Variants in SLIT3 observed in about 807,000 individuals in gnomAD.
SLIT3 encodes slit homolog 3 protein.
In SLIT3, 68 loss-of-function variants were observed where a neutral mutation model predicts 184.0. The observed-to-expected ratio is 0.37, with a 90% confidence interval of 0.30 to 0.45. The LOEUF is 0.45. SLIT3 is among the 20% of genes least tolerant of loss of function. The pLI is 1.00. For synonymous variants in SLIT3, 831 were observed against 828.6 expected, an observed-to-expected ratio of 1.00 and a Z score of -0.05; for missense variants, 1,707 against 2,026.0, an observed-to-expected ratio of 0.84 and a Z score of 3.02.
chr5:169,279,771 G>A (rs914922514), intron 1 of SLIT3, among the ~76,000 whole-genome samples: 1 of 152,166 alleles, frequency 6.6e-6, no homozygotes, highest in African/African-American at 2.4e-5. Flanking sequence ...AGTTGACTCT[G>A]CCACTTATGA....
intron 3 of SLIT3, among the ~76,000 whole-genome samples, chr5:169,234,258 G>A (rs1276343163): frequency 6.6e-6 from 1 of 152,074 alleles, no homozygotes; most frequent in African/African-American, 2.4e-5. Context: ...GTACAAGTAT[G>A]GAGGGTCATG....
intron 6 of SLIT3, among the ~76,000 whole-genome samples, chr5:168,827,146 G>C (rs1238051699): frequency 6.6e-6 from 1 of 152,184 alleles, no homozygotes; most frequent in Non-Finnish European, 1.5e-5. Flanking sequence ...TGAAGCATGT[G>C]GTAGTGCCAA....
intron 1 of SLIT3, among the ~76,000 whole-genome samples, chr5:169,294,638 A>G (rs1767448614): frequency 6.6e-6 from 1 of 152,214 alleles, no homozygotes; most frequent in South Asian, 2.1e-4. Flanking sequence ...ACTAACATGA[A>G]TAGTTCAGGG....
chr5:168,925,421 G>A (rs1055049420), intron 4 of SLIT3, among the ~76,000 whole-genome samples: 4 of 152,178 alleles, frequency 2.6e-5, no homozygotes, highest in African/African-American at 9.7e-5. Context: ...TGTAGCTCCA[G>A]AGCGACACCA....
rs148750942 is a variant in SLIT3 at position 169,145,341 on chromosome 5, G to A, written c.413+48138C>T. On this transcript the variant is annotated intron_variant, in intron 4 of 35. Transcript: ENST00000519560. Reference sequence around the variant, plus strand: ...GTCTGCTGAGGACAGGGGCCTTTCCGGTAGAGACATTGCAGGGCGTGTCAG... The same window carrying A: ...GTCTGCTGAGGACAGGGGCCTTTCCAGTAGAGACATTGCAGGGCGTGTCAG... 7.2e-5 allele frequency among the ~76,000 whole-genome samples: 11 copies of A among 152,200 alleles called. No homozygotes were observed. The East Asian group carries it at 9.7e-4, about 13-fold the overall frequency.
At chr5:169,134,216 G>A (rs571215234) in intron 4 of SLIT3, among the ~76,000 whole-genome samples, 22 of 152,240 alleles carry the variant, frequency 1.4e-4, no homozygotes, top group South Asian at 1.0e-3. Flanking sequence ...ATCATGTTAC[G>A]TCCCTGCTTT....
At chr5:168,815,539 T>C (rs9885206) in intron 8 of SLIT3, among the ~76,000 whole-genome samples, 80,271 of 152,072 alleles carry the variant, frequency 0.53, 21,525 homozygotes, top group Middle Eastern at 0.61. Context: ...ATAGTCACTA[T>C]ATTTGAAGTT....
chr5:168,994,344 A>G (rs565899534), intron 4 of SLIT3, among the ~76,000 whole-genome samples: 1 of 152,252 alleles, frequency 6.6e-6, no homozygotes, highest in African/African-American at 2.4e-5. Flanking sequence ...CCTACAGAAA[A>G]CCAGCCCTAA....
chr5:168,826,527 T>G (rs1757711013), intron 6 of SLIT3, among the ~76,000 whole-genome samples: 1 of 152,212 alleles, frequency 6.6e-6, no homozygotes, highest in African/African-American at 2.4e-5. Context: ...GTGGTGAGCA[T>G]GGACCTCGAA....
intron 4 of SLIT3, among the ~76,000 whole-genome samples, chr5:169,003,127 T>C (rs975730362): frequency 2.0e-5 from 3 of 152,264 alleles, no homozygotes; most frequent in African/African-American, 7.2e-5. Context: ...CTCATGATAT[T>C]ACCAGTATGT....
intron 4 of SLIT3, among the ~76,000 whole-genome samples, chr5:168,999,386 G>A (rs571262795): frequency 1.3e-5 from 2 of 151,540 alleles, no homozygotes; most frequent in Non-Finnish European, 3.0e-5. Flanking sequence ...TGGATAAACA[G>A]TAATAATTAC....
At chr5:168,706,928 T>C (rs1762388500) in intron 26 of SLIT3, 1 of 152,236 alleles carries the variant, frequency 6.6e-6, no homozygotes, top group Admixed American at 6.5e-5. Context: ...GATGTGTGCA[T>C]TAGACAGGCT....
intron 4 of SLIT3, among the ~76,000 whole-genome samples, chr5:169,073,123 G>C (rs76207586): frequency 0.017 from 2,633 of 152,224 alleles, 87 homozygotes; most frequent in African/African-American, 0.06. Flanking sequence ...TTCTTTGAAG[G>C]CTCCTTTTCA....
chr5:168,973,950 T>C (rs765082087), intron 4 of SLIT3, among the ~76,000 whole-genome samples: 1 of 152,224 alleles, frequency 6.6e-6, no homozygotes, highest in Non-Finnish European at 1.5e-5. Flanking sequence ...TTGGATTCCT[T>C]GCTAATGGAG....
chr5:168,679,692 C>CA (rs1167135288), intron 32 of SLIT3, among the ~76,000 whole-genome samples: 1 of 152,142 alleles, frequency 6.6e-6, no homozygotes, highest in East Asian at 1.9e-4. Context: ...GGGTAGGCAG[C>CA]AAGCGGAGAC....
At chr5:169,076,462 C>A (rs936523586) in intron 4 of SLIT3, among the ~76,000 whole-genome samples, 1 of 152,226 alleles carries the variant, frequency 6.6e-6, no homozygotes, top group African/African-American at 2.4e-5. Flanking sequence ...CTTCCACTAT[C>A]TTTGCCTTGT....
At chr5:169,044,843 G>C (rs976458896) in intron 4 of SLIT3, among the ~76,000 whole-genome samples, 2 of 152,186 alleles carry the variant, frequency 1.3e-5, no homozygotes, top group African/African-American at 4.8e-5. Context: ...AATTCAACTG[G>C]CCTGTAGACC....
chr5:168,684,011 C>T lies in SLIT3; in HGVS notation c.3641G>A (p.Arg1214Gln), dbSNP rs766142011. ...GGAACTCAGGCTGTCATAGACCAGC[C>T]GCACGTGGCCCTGGTACAGCTCCAG... ...LALELYQGHV[R>Q]LVYDSLSSPP... The change falls in exon 32 of 36, where the codon CGG becomes CAG. Residue 1214 changes from arginine to glutamine, a missense_variant. By Grantham distance (43) the Arg-to-Gln change is conservative. Coordinates refer to ENST00000519560, the MANE Select transcript of SLIT3 (RefSeq NM_003062.4). The T allele has an allele frequency of 2.5e-5, 40 of 1,605,242 alleles. No individual in the cohort carries two copies. The highest frequency in any genetic ancestry group is 1.7e-4 in the Middle Eastern group (1 of 6,048).
intron 28 of SLIT3, among the ~76,000 whole-genome samples, chr5:168,693,209 A>G (rs1761958534): frequency 6.6e-6 from 1 of 152,186 alleles, no homozygotes; most frequent in African/African-American, 2.4e-5. Flanking sequence ...GTGTGACCAG[A>G]AGGGCAAACT....
Sources: allele counts gnomAD v4.1 joint callset (sites outside exome capture counted in the v4.1 genomes callset), GRCh38; gene constraint gnomAD v4.1.1; transcripts MANE v1.5; gene names NCBI Gene and HGNC (gene_info 2026-07-23, HGNC 2026-07-21).